Variants in GALNT13 observed in about 807,000 individuals in gnomAD.
The protein encoded by GALNT13 is polypeptide N-acetylgalactosaminyltransferase 13.
A neutral mutation model predicts 64.2 loss-of-function variants in GALNT13; 28 were observed. That is an observed-to-expected ratio of 0.44 (90% CI 0.32 to 0.60). The LOEUF (loss-of-function observed/expected upper bound fraction) is 0.60. Among genes scored for constraint, GALNT13 ranks in the 20% least tolerant of loss-of-function variants. The pLI is 0.05. For synonymous variants in GALNT13, 214 were observed against 224.6 expected (o/e 0.95, Z 0.42); for missense variants, 577 against 669.8 (o/e 0.86, Z 1.53).
At chr2:154,077,508 G>A (rs1030039174) in intron 3 of GALNT13, among the ~76,000 whole-genome samples, 1 of 151,348 alleles carries the variant, frequency 6.6e-6, no homozygotes, top group African/African-American at 2.4e-5. Flanking sequence ...TAAAGGGGTG[G>A]AAAATAAAAT....
At chr2:153,802,238 T>C in the GALNT13 span, among the ~76,000 whole-genome samples, 486 of 152,322 alleles carry the variant, frequency 3.2e-3, 3 homozygotes, top group African/African-American at 0.011. Flanking sequence ...ATGGAATAAT[T>C]GTATTATTGC....
the GALNT13 span, among the ~76,000 whole-genome samples, chr2:153,181,750 A>T: frequency 3.4e-5 from 5 of 145,550 alleles, no homozygotes; most frequent in Non-Finnish European, 7.5e-5. Context: ...TTATATACAT[A>T]TTTATATGTA....
the GALNT13 span, among the ~76,000 whole-genome samples, chr2:153,778,470 C>T: frequency 6.6e-6 from 1 of 152,156 alleles, no homozygotes; most frequent in African/African-American, 2.4e-5. Context: ...CCTTCCCTTC[C>T]CAGAACTTCT....
At chr2:153,693,708 G>A in the GALNT13 span, among the ~76,000 whole-genome samples, 1 of 152,092 alleles carries the variant, frequency 6.6e-6, no homozygotes, top group Non-Finnish European at 1.5e-5. Flanking sequence ...TTCTTGTGAG[G>A]CTTTGATTAG....
chr2:153,334,552 T>G, the GALNT13 span, among the ~76,000 whole-genome samples: 3 of 152,190 alleles, frequency 2.0e-5, no homozygotes, highest in African/African-American at 7.2e-5. Flanking sequence ...TAAAGATTTT[T>G]TTTTTTTAAT....
intron 1 of GALNT13, among the ~76,000 whole-genome samples, chr2:153,889,560 A>G (rs1687411980): frequency 6.6e-6 from 1 of 151,992 alleles, no homozygotes; most frequent in Non-Finnish European, 1.5e-5. Flanking sequence ...ATCATGTTGT[A>G]TTATATGCAC....
At chr2:154,245,010 G>A (rs1689699420) in intron 6 of GALNT13, among the ~76,000 whole-genome samples, 1 of 151,806 alleles carries the variant, frequency 6.6e-6, no homozygotes, top group South Asian at 2.1e-4. Context: ...GGAGGCTGAG[G>A]CAGGAGAATT....
At chr2:154,200,806 A>C (rs1351418077) in intron 4 of GALNT13, among the ~76,000 whole-genome samples, 1 of 152,238 alleles carries the variant, frequency 6.6e-6, no homozygotes, top group East Asian at 1.9e-4. Flanking sequence ...TTTGGAGAGG[A>C]CACATTCTGA....
At chr2:154,146,567 T>A (rs539135899) in intron 4 of GALNT13, among the ~76,000 whole-genome samples, 10 of 152,134 alleles carry the variant, frequency 6.6e-5, no homozygotes, top group African/African-American at 2.4e-4. Flanking sequence ...AGCATAAAGA[T>A]CCTTTTGAGC....
intron 3 of GALNT13, among the ~76,000 whole-genome samples, chr2:154,088,677 T>C (rs1433736820): frequency 6.6e-6 from 1 of 152,166 alleles, no homozygotes; most frequent in Non-Finnish European, 1.5e-5. Context: ...GGTCTCGAAC[T>C]CCTGACGTCA....
chr2:153,815,228 A>G, the GALNT13 span, among the ~76,000 whole-genome samples: 1 of 152,152 alleles, frequency 6.6e-6, no homozygotes, highest in Non-Finnish European at 1.5e-5. Flanking sequence ...TTTATATTCT[A>G]GTTCTGGACA....
intron 3 of GALNT13, among the ~76,000 whole-genome samples, chr2:153,959,278 CAG>C (rs957013322): frequency 2.6e-5 from 4 of 152,090 alleles, no homozygotes; most frequent in Non-Finnish European, 4.4e-5. Context: ...TGGGGGCAAT[CAG>C]GGGGCAGCCA....
At chr2:153,903,260 A>AT (rs1178917541) in intron 2 of GALNT13, among the ~76,000 whole-genome samples, 1 of 152,000 alleles carries the variant, frequency 6.6e-6, no homozygotes, top group East Asian at 1.9e-4. Flanking sequence ...AAAAAAAAAG[A>AT]TTTTGTATCT....
At chr2:153,296,532 T>A in the GALNT13 span, among the ~76,000 whole-genome samples, 1 of 152,180 alleles carries the variant, frequency 6.6e-6, no homozygotes, top group Non-Finnish European at 1.5e-5. Context: ...TTTCTTATAC[T>A]GTTTCCAGTA....
chr2:154,251,951 T>C (rs916059109), intron 7 of GALNT13, among the ~76,000 whole-genome samples: 4 of 152,298 alleles, frequency 2.6e-5, no homozygotes, highest in African/African-American at 9.6e-5. Flanking sequence ...GACGTGAAGA[T>C]TTCAGCTATT....
chr2:153,850,525 C>G, the GALNT13 span, among the ~76,000 whole-genome samples: 4 of 152,106 alleles, frequency 2.6e-5, no homozygotes, highest in Non-Finnish European at 5.9e-5. Flanking sequence ...GCCAATCAAT[C>G]AAAAATTACC....
chr2:154,259,701 G>A (rs549317936), intron 8 of GALNT13, among the ~76,000 whole-genome samples: 9 of 152,056 alleles, frequency 5.9e-5, no homozygotes, highest in Non-Finnish European at 1.3e-4. Flanking sequence ...ATGTTATTAG[G>A]AAAGTTTAAT....
chr2:153,288,847 C>T, the GALNT13 span, among the ~76,000 whole-genome samples: 2 of 152,096 alleles, frequency 1.3e-5, no homozygotes, highest in Non-Finnish European at 2.9e-5. Flanking sequence ...AAATGTATCA[C>T]CCATGGATAA....
the GALNT13 span, among the ~76,000 whole-genome samples, chr2:153,325,053 A>G: frequency 6.6e-6 from 1 of 150,612 alleles, no homozygotes; most frequent in African/African-American, 2.4e-5. Context: ...TTAAGAAGGA[A>G]TGGTACCAGC....
Sources: gnomAD v4.1 joint callset for allele counts (sites outside exome capture counted in the v4.1 genomes callset) on GRCh38, gnomAD v4.1.1 for gene constraint, MANE v1.5 for transcripts, NCBI Gene and HGNC (gene_info 2026-07-23, HGNC 2026-07-21) for gene names.